The following SYN2 variants were observed in gnomAD, a reference collection of about 807,000 sequenced individuals.
SYN2 encodes synapsin-2.
In SYN2, 19 loss-of-function variants were observed where a neutral mutation model predicts 50.9. The observed-to-expected ratio is 0.37, with a 90% CI of 0.26 to 0.55. The LOEUF is 0.55. Ranked by LOEUF, SYN2 falls within the 20% of genes least tolerant of loss-of-function variation. The pLI is 0.81. For synonymous variants in SYN2, 255 were observed against 224.9 expected (o/e 1.13, Z -1.20); for missense variants, 587 against 576.4 (o/e 1.02, Z -0.19).
At chr3:12,139,304 CA>C (rs1469695611) in intron 1 of SYN2, among the ~76,000 whole-genome samples, 1 of 152,168 alleles carries the variant, frequency 6.6e-6, no homozygotes, top group Non-Finnish European at 1.5e-5. Flanking sequence ...CTAATGCTCA[CA>C]TCATTAAGTC....
chr3:12,116,951 A>AG (rs1696447362), intron 1 of SYN2, among the ~76,000 whole-genome samples: 1 of 151,890 alleles, frequency 6.6e-6, no homozygotes. Context: ...GGGTCTCACT[A>AG]TGTTACCCAG....
intron 1 of SYN2, among the ~76,000 whole-genome samples, chr3:12,066,848 G>A (rs979937211): frequency 6.6e-6 from 1 of 152,160 alleles, no homozygotes; most frequent in Admixed American, 6.5e-5. Flanking sequence ...GGCTGGGGGG[G>A]GCCTCAGGAA....
intron 1 of SYN2, among the ~76,000 whole-genome samples, chr3:12,037,161 CT>C (rs1694516210): frequency 1.3e-5 from 2 of 152,214 alleles, no homozygotes; most frequent in African/African-American, 4.8e-5. Flanking sequence ...ATTATGGCCA[CT>C]TAAGTAATCC....
intron 12 of SYN2, among the ~76,000 whole-genome samples, chr3:12,187,902 A>G (rs1311315763): frequency 6.6e-6 from 1 of 152,100 alleles, no homozygotes; most frequent in Admixed American, 6.5e-5. Context: ...GGGAAGTGGC[A>G]CTACGGCAGA....
In SYN2 at chr3:12,046,191, A is replaced by G. The variant is rs893773903; in HGVS notation, c.377+41263A>G. Among the ~76,000 whole-genome samples the G allele has an allele frequency of 4.6e-5, 7 of 152,290 alleles. No individual in the cohort carries two copies. In the East Asian group the frequency reaches 1.4e-3, roughly 29 times the overall value. On this transcript the variant is annotated intron_variant, in intron 1 of 12. Transcript: ENST00000621198. The stretch of plus-strand genomic sequence containing the variant: ...AACATTTGTTGACTGAATAAAATGA[A>G]TGAATGTCTGGTAAATTGGGTGGGT...
chr3:12,051,810 C>T (rs1036742156), intron 1 of SYN2, among the ~76,000 whole-genome samples: 1 of 152,114 alleles, frequency 6.6e-6, no homozygotes, highest in Non-Finnish European at 1.5e-5. Flanking sequence ...GCTTCAAGGC[C>T]TTGTGTATGC....
chr3:12,065,612 T>C (rs866409441), intron 1 of SYN2, among the ~76,000 whole-genome samples: 1 of 152,052 alleles, frequency 6.6e-6, no homozygotes, highest in Non-Finnish European at 1.5e-5. Context: ...GAAAACCAAA[T>C]ACTGCATGTT....
At chr3:12,132,462 A>G (rs1441586757) in intron 1 of SYN2, among the ~76,000 whole-genome samples, 1 of 152,242 alleles carries the variant, frequency 6.6e-6, no homozygotes, top group African/African-American at 2.4e-5. Context: ...GCATATTGTG[A>G]GGATTAATTT....
chr3:12,053,141 G>A (rs1259428924), intron 1 of SYN2, among the ~76,000 whole-genome samples: 1 of 152,062 alleles, frequency 6.6e-6, no homozygotes, highest in South Asian at 2.1e-4. Flanking sequence ...TGATTGATCC[G>A]GCCAGGCACG....
At chr3:12,071,372 T>G in intron 1 of SYN2, 1 of 559,554 alleles carries the variant, frequency 1.8e-6, no homozygotes, top group Non-Finnish European at 3.6e-6. Context: ...AAATGGACCG[T>G]AAGCAGATGT....
At chr3:12,189,737 G>A (rs1266696290) in intron 12 of SYN2, among the ~76,000 whole-genome samples, 1 of 152,124 alleles carries the variant, frequency 6.6e-6, no homozygotes, top group African/African-American at 2.4e-5. Context: ...GGGAGGCGGA[G>A]GTTGCAGTGA....
intron 11 of SYN2, chr3:12,184,736 G>A: frequency 2.0e-6 from 2 of 985,912 alleles, no homozygotes; most frequent in Non-Finnish European, 2.4e-6. Flanking sequence ...AGCAGCACCT[G>A]AGCAGATGCT....
chr3:12,136,876 A>T (rs1449297181), intron 1 of SYN2, among the ~76,000 whole-genome samples: 4 of 152,152 alleles, frequency 2.6e-5, no homozygotes, highest in Non-Finnish European at 5.9e-5. Context: ...TGTTTCAAGG[A>T]TGTACATGTT....
intron 1 of SYN2, among the ~76,000 whole-genome samples, chr3:12,043,139 C>T (rs1694657438): frequency 6.6e-6 from 1 of 151,886 alleles, no homozygotes; most frequent in Non-Finnish European, 1.5e-5. Flanking sequence ...CCTCCCACCT[C>T]GGCCTCCCAA....
intron 1 of SYN2, among the ~76,000 whole-genome samples, chr3:12,137,776 C>T (rs1696927891): frequency 6.6e-6 from 1 of 152,128 alleles, no homozygotes; most frequent in Non-Finnish European, 1.5e-5. Context: ...GGTATAGCCA[C>T]ACATTTTTTC....
intron 1 of SYN2, among the ~76,000 whole-genome samples, chr3:12,024,821 T>A (rs1190491534): frequency 1.3e-5 from 2 of 152,168 alleles, no homozygotes; most frequent in Non-Finnish European, 2.9e-5. Flanking sequence ...ATTTGCTGGG[T>A]TATAGGGCAT....
intron 1 of SYN2, among the ~76,000 whole-genome samples, chr3:12,085,123 A>T (rs1254717630): frequency 7.3e-6 from 1 of 136,164 alleles, no homozygotes; most frequent in Non-Finnish European, 1.6e-5. Context: ...AAAAAAAAAA[A>T]ATATGTTGCC....
chr3:12,107,867 A>G (rs150820683), intron 1 of SYN2, among the ~76,000 whole-genome samples: 108 of 152,332 alleles, frequency 7.1e-4, no homozygotes, highest in African/African-American at 2.4e-3. Context: ...AGAACATTCA[A>G]CAAATCTCCT....
chr3:12,096,796 T>C (rs554031947), intron 1 of SYN2, among the ~76,000 whole-genome samples: 2 of 152,100 alleles, frequency 1.3e-5, no homozygotes, highest in African/African-American at 4.8e-5. Context: ...AGAGGTTAAA[T>C]AGATTTAAGC....
Sources: allele counts gnomAD v4.1 joint callset (sites outside exome capture counted in the v4.1 genomes callset), GRCh38; gene constraint gnomAD v4.1.1; transcripts MANE v1.5; gene names NCBI Gene and HGNC (gene_info 2026-07-23, HGNC 2026-07-21).